The following PAH variants were observed in gnomAD, a reference collection of about 807,000 sequenced individuals.
PAH encodes the protein phenylalanine hydroxylase.
Under a neutral mutation model 62.0 loss-of-function variants are expected in PAH, and 64 were observed. That is an observed-to-expected ratio of 1.03 (90% CI 0.84 to 1.27). PAH has a LOEUF of 1.27. Ranked by LOEUF, PAH falls within the 50% of genes most tolerant of loss-of-function variation. PAH has a pLI of 0.00. For synonymous variants in PAH, 195 were observed against 196.2 expected (o/e 0.99, Z 0.05); for missense variants, 579 against 542.8 (o/e 1.07, Z -0.66).
intron 2 of PAH, among the ~76,000 whole-genome samples, chr12:102,901,617 A>G (rs1162250294): frequency 6.6e-6 from 1 of 151,748 alleles, no homozygotes; most frequent in Non-Finnish European, 1.5e-5. Context: ...TTTTGAGAGC[A>G]CACTTCAAAA....
chr12:102,918,773 T>A (rs1013053903), upstream of PAH, among the ~76,000 whole-genome samples: 47 of 152,186 alleles, frequency 3.1e-4, no homozygotes, highest in Non-Finnish European at 5.6e-4. Context: ...TTGTTAAATA[T>A]TGAAGGCGAA....
chr12:102,944,056 T>A (rs1030273164), intron 1 of PAH, among the ~76,000 whole-genome samples: 31 of 152,160 alleles, frequency 2.0e-4, no homozygotes, highest in Non-Finnish European at 3.7e-4. Context: ...AAAAAATAGT[T>A]TTTTCCCTTC....
At chr12:102,942,491 T>C (rs1879329528) in intron 1 of PAH, among the ~76,000 whole-genome samples, 1 of 151,920 alleles carries the variant, frequency 6.6e-6, no homozygotes, top group Non-Finnish European at 1.5e-5. Flanking sequence ...ATGGCCATAC[T>C]ACCCACAACA....
intron 3 of PAH, chr12:102,886,146 G>C (rs1877030729): frequency 6.6e-6 from 1 of 152,210 alleles, no homozygotes; most frequent in South Asian, 2.1e-4. Context: ...TGAGCCAAAG[G>C]CTGGCTGATG....
At chr12:102,901,748 G>C (rs1444104958) in intron 2 of PAH, among the ~76,000 whole-genome samples, 1 of 152,094 alleles carries the variant, frequency 6.6e-6, no homozygotes, top group Non-Finnish European at 1.5e-5. Context: ...GCCTATTTCA[G>C]AGGTTGCTGG....
At chr12:102,898,020 A>G (rs1175488651) in intron 2 of PAH, among the ~76,000 whole-genome samples, 1 of 152,246 alleles carries the variant, frequency 6.6e-6, no homozygotes, top group Admixed American at 6.5e-5. Flanking sequence ...GTTGGTCAGC[A>G]GCAACACTTG....
intron 3 of PAH, among the ~76,000 whole-genome samples, chr12:102,881,170 C>T (rs1420140484): frequency 1.3e-5 from 2 of 151,066 alleles, no homozygotes; most frequent in Non-Finnish European, 2.9e-5. Context: ...CGTGCCACCA[C>T]ACTCGGCTAA....
chr12:102,865,974 G>C (rs1315204440), intron 5 of PAH, among the ~76,000 whole-genome samples: 4 of 151,868 alleles, frequency 2.6e-5, no homozygotes, highest in Non-Finnish European at 5.9e-5. Context: ...CATTTCTGTA[G>C]TTCCTTAAGA....
chr12:102,866,963 C>A (rs1876004664), intron 4 of PAH, among the ~76,000 whole-genome samples: 1 of 152,214 alleles, frequency 6.6e-6, no homozygotes, highest in Non-Finnish European at 1.5e-5. Context: ...CTAAACTAAG[C>A]AAAGTTCATA....
chr12:102,942,260 T>TTTC (rs1386483505), intron 1 of PAH, among the ~76,000 whole-genome samples: 7 of 152,146 alleles, frequency 4.6e-5, no homozygotes, highest in Non-Finnish European at 8.8e-5. Context: ...ATTAGTAGCA[T>TTTC]TTCTGTACAC....
intron 3 of PAH, among the ~76,000 whole-genome samples, chr12:102,879,472 A>T (rs1876726985): frequency 6.6e-6 from 1 of 151,870 alleles, no homozygotes; most frequent in Non-Finnish European, 1.5e-5. Flanking sequence ...CAGCAAAACA[A>T]GGAGAGCTGA....
intron 1 of PAH, among the ~76,000 whole-genome samples, chr12:102,931,648 GCCTACCTTC>G (rs531509361): frequency 1.0e-3 from 156 of 152,194 alleles, no homozygotes; most frequent in Middle Eastern, 3.4e-3. Context: ...CAATCTCCTT[GCCTACCTTC>G]CCTGGGGAGA....
chr12:102,884,627 G>T (rs965940931), intron 3 of PAH, among the ~76,000 whole-genome samples: 1 of 152,136 alleles, frequency 6.6e-6, no homozygotes, highest in Non-Finnish European at 1.5e-5. Context: ...CAAAACAGGT[G>T]CATCTGTGGC....
At chr12:102,887,454 G>A (rs1223425281) in intron 3 of PAH, among the ~76,000 whole-genome samples, 1 of 152,092 alleles carries the variant, frequency 6.6e-6, no homozygotes, top group African/African-American at 2.4e-5. Context: ...CTTCAATGAG[G>A]TGGTGGCTGC....
intron 2 of PAH, among the ~76,000 whole-genome samples, chr12:102,900,049 C>CTTT (rs749407597): frequency 4.4e-5 from 5 of 113,210 alleles, no homozygotes; most frequent in South Asian, 3.0e-4. Context: ...ACATTTATTG[C>CTTT]TTTTTTTTTT....
chr12:102,917,075 C>G lies in PAH; in HGVS notation c.56G>C (p.Gly19Ala). The G allele has an allele frequency of 6.2e-7, 1 of 1,614,198 alleles. No homozygotes were observed. Among genetic ancestry groups the G allele is most frequent in the Non-Finnish European group, 8.5e-7 (1 of 1,180,042 alleles). ...PGLGRKLSDF[G>A]QETSYIEDNC... ...GCTCAGGCTGCCGTGGCTCACCTGT[C>G]CAAAGTCAGAGAGTTTCCTGCCCAA... Residue 19 changes from glycine to alanine, a missense_variant, in exon 1 of 13, where the codon GGA becomes GCA. Coordinates refer to ENST00000553106, the MANE Select transcript of PAH (RefSeq NM_000277.3).
rs1257578742 is a variant in PAH, at chr12:102,837,267, A to C, written c.*1908T>G. Reference sequence around the variant, plus strand: ...TTCATTCAGTATGTAACTTCCTGTGAAAATCATAACTTAACCGAAACTTTA... The same window carrying C: ...TTCATTCAGTATGTAACTTCCTGTGCAAATCATAACTTAACCGAAACTTTA... On this transcript the variant is annotated 3_prime_UTR_variant, in exon 13 of 13. Coordinates refer to ENST00000553106, the MANE Select transcript of PAH (RefSeq NM_000277.3). 1 of 152,216 alleles carries C rather than the reference A, an allele frequency of 6.6e-6. No individual in the cohort carries two copies. The highest frequency in any genetic ancestry group is 1.5e-5 in the Non-Finnish European group (1 of 68,026). The allele number at this position is 152,216 out of a possible 1,614,324, so 9.4% of individuals were successfully genotyped here.
chr12:102,886,013 A>G (rs972047064), intron 3 of PAH: 1 of 152,300 alleles, frequency 6.6e-6, no homozygotes, highest in African/African-American at 2.4e-5. Flanking sequence ...CAAAGGAAGA[A>G]GAGATGGCAT....
upstream of PAH, among the ~76,000 whole-genome samples, chr12:102,955,415 T>C (rs1879882944): frequency 3.3e-5 from 5 of 152,232 alleles, no homozygotes; most frequent in South Asian, 1.0e-3. Context: ...GGCACCATTG[T>C]GGTAGAGCTC....
Sources: gnomAD v4.1 joint callset for allele counts (sites outside exome capture counted in the v4.1 genomes callset) on GRCh38, gnomAD v4.1.1 for gene constraint, MANE v1.5 for transcripts, NCBI Gene and HGNC (gene_info 2026-07-23, HGNC 2026-07-21) for gene names.